HS6ST3: variants seen among roughly 807,000 people sequenced by gnomAD.
HS6ST3 encodes heparan-sulfate 6-O-sulfotransferase 3.
HS6ST3 carries 12 observed loss-of-function variants against 36.7 expected under a neutral mutation model. That is an observed-to-expected ratio of 0.33 (90% CI 0.21 to 0.53). HS6ST3 has a LOEUF of 0.53. Ranked by LOEUF, HS6ST3 falls within the 20% of genes least tolerant of loss-of-function variation. HS6ST3 has a pLI of 0.95. For synonymous variants in HS6ST3, 240 were observed against 257.5 expected, an observed-to-expected ratio of 0.93 and a Z score of 0.65; for missense variants, 584 against 640.9, an observed-to-expected ratio of 0.91 and a Z score of 0.96.
At chr13:96,305,610 A>G (rs1348732440) in intron 1 of HS6ST3, among the ~76,000 whole-genome samples, 1 of 152,156 alleles carries the variant, frequency 6.6e-6, no homozygotes, top group East Asian at 1.9e-4. Context: ...ATAATATGTG[A>G]CTAATTTTAG....
chr13:96,468,754 G>A (rs2055826657), intron 1 of HS6ST3, among the ~76,000 whole-genome samples: 1 of 152,054 alleles, frequency 6.6e-6, no homozygotes, highest in East Asian at 1.9e-4. Flanking sequence ...TTAGAATTTT[G>A]GACATTTTTA....
intron 1 of HS6ST3, among the ~76,000 whole-genome samples, chr13:96,339,197 G>A (rs1230616400): frequency 6.6e-6 from 1 of 152,120 alleles, no homozygotes; most frequent in Non-Finnish European, 1.5e-5. Flanking sequence ...ACAACAAAAT[G>A]ACACACAAGA....
At chr13:96,739,259 G>C in intron 1 of HS6ST3, among the ~76,000 whole-genome samples, 1 of 151,170 alleles carries the variant, frequency 6.6e-6, no homozygotes, top group South Asian at 2.1e-4. Flanking sequence ...GTGTGTGTGT[G>C]TGTGTGTGTG....
At chr13:96,198,576 T>C (rs1374998171) in intron 1 of HS6ST3, among the ~76,000 whole-genome samples, 1 of 152,228 alleles carries the variant, frequency 6.6e-6, no homozygotes, top group Non-Finnish European at 1.5e-5. Flanking sequence ...ATTATCTTTC[T>C]CGAGTTCAAA....
At chr13:96,409,369 G>A (rs1338769034) in intron 1 of HS6ST3, among the ~76,000 whole-genome samples, 1 of 152,164 alleles carries the variant, frequency 6.6e-6, no homozygotes, top group East Asian at 1.9e-4. Context: ...GAAGCAAGCT[G>A]GGATTAGAGA....
In HS6ST3 at chr13:96,393,168, C is replaced by A. The variant is rs535172565; in HGVS notation, c.707+301599C>A. 2.0e-5 allele frequency among the ~76,000 whole-genome samples: 3 copies of A among 152,240 alleles called. No individual in the cohort carries two copies. The South Asian group carries it at 6.2e-4, about 32-fold the overall frequency. On this transcript the variant is annotated intron_variant, in intron 1 of 1. Transcript: ENST00000376705. ...CTTCCACCATGATTGTGAGGCCTCC[C>A]CAGCCATGTGGAAGTGTGAGTCCAT...
intron 1 of HS6ST3, among the ~76,000 whole-genome samples, chr13:96,705,358 A>C (rs1170045318): frequency 1.3e-5 from 2 of 152,240 alleles, no homozygotes; most frequent in Non-Finnish European, 2.9e-5. Flanking sequence ...GAGAAGGGTA[A>C]AATGACAAGA....
intron 1 of HS6ST3, among the ~76,000 whole-genome samples, chr13:96,295,959 C>T (rs1409833496): frequency 6.6e-6 from 1 of 152,128 alleles, no homozygotes; most frequent in African/African-American, 2.4e-5. Flanking sequence ...ATTATCAAAT[C>T]TTTGAGATAG....
intron 1 of HS6ST3, among the ~76,000 whole-genome samples, chr13:96,485,496 A>C (rs530898286): frequency 1.7e-3 from 255 of 152,184 alleles, no homozygotes; most frequent in African/African-American, 5.8e-3. Flanking sequence ...AATCTTTAGA[A>C]TTTTCATCAT....
intron 1 of HS6ST3, among the ~76,000 whole-genome samples, chr13:96,551,290 A>G (rs184837407): frequency 2.4e-3 from 362 of 152,326 alleles, no homozygotes; most frequent in Non-Finnish European, 3.3e-3. Context: ...ACCTTACATT[A>G]CAGTGCTTGG....
intron 1 of HS6ST3, among the ~76,000 whole-genome samples, chr13:96,722,195 G>T (rs375697424): frequency 6.6e-6 from 1 of 152,112 alleles, no homozygotes; most frequent in Non-Finnish European, 1.5e-5. Flanking sequence ...AATCTGGGAG[G>T]CAGAGGTTTC....
chr13:96,536,531 A>G (rs1316229614), intron 1 of HS6ST3, among the ~76,000 whole-genome samples: 1 of 152,232 alleles, frequency 6.6e-6, no homozygotes, highest in Admixed American at 6.5e-5. Context: ...TATAAAGGGC[A>G]GTTTTAGCTG....
intron 1 of HS6ST3, among the ~76,000 whole-genome samples, chr13:96,759,762 A>T (rs1180383527): frequency 6.6e-6 from 1 of 152,022 alleles, no homozygotes; most frequent in African/African-American, 2.4e-5. Context: ...GAGAATTCTT[A>T]GAGTGCAAAT....
intron 1 of HS6ST3, chr13:96,169,640 G>C (rs1381540690): frequency 6.6e-6 from 1 of 152,290 alleles, no homozygotes; most frequent in African/African-American, 2.4e-5. Context: ...CTGGGCTGTA[G>C]TGTGCTGTGC....
At chr13:96,405,749 A>G (rs1242976824) in intron 1 of HS6ST3, among the ~76,000 whole-genome samples, 2 of 152,250 alleles carry the variant, frequency 1.3e-5, no homozygotes, top group Non-Finnish European at 2.9e-5. Context: ...AAGGCCTGCC[A>G]GTGCAAAAAA....
chr13:96,659,956 A>C, intron 1 of HS6ST3, among the ~76,000 whole-genome samples: 1 of 152,306 alleles, frequency 6.6e-6, no homozygotes, highest in Middle Eastern at 3.4e-3. Flanking sequence ...AACATTCAAC[A>C]TAATGCCACT....
intron 1 of HS6ST3, among the ~76,000 whole-genome samples, chr13:96,288,926 C>T (rs2139397861): frequency 6.6e-6 from 1 of 151,806 alleles, no homozygotes; most frequent in Admixed American, 6.6e-5. Context: ...AGAGATGCTG[C>T]TAAAAATGGC....
In HS6ST3 at chr13:96,377,601, A is replaced by G. The variant is rs140340551; in HGVS notation, c.707+286032A>G. Among the ~76,000 whole-genome samples the G allele has an allele frequency of 2.7e-4, 41 of 152,336 alleles. No homozygotes were observed. The East Asian group carries it at 7.7e-3, about 29-fold the overall frequency. ...AGATTTTTTTCTAATGAAAGAATCA[A>G]CATTCCTACAGTGGATGTAAACTCT... is the stretch of plus-strand genomic sequence containing the variant. On this transcript the variant is annotated intron_variant, in intron 1 of 1. Coordinates refer to ENST00000376705, the MANE Select transcript of HS6ST3 (RefSeq NM_153456.4).
chr13:96,284,725 GT>G (rs1382476938), intron 1 of HS6ST3, among the ~76,000 whole-genome samples: 5 of 152,088 alleles, frequency 3.3e-5, no homozygotes, highest in Admixed American at 2.6e-4. Context: ...TTTTTCTAAG[GT>G]TTTTGTAAAG....
Sources: allele counts gnomAD v4.1 joint callset (sites outside exome capture counted in the v4.1 genomes callset), GRCh38; gene constraint gnomAD v4.1.1; transcripts MANE v1.5; gene names NCBI Gene and HGNC (gene_info 2026-07-23, HGNC 2026-07-21).